Variants in JAM3 observed in about 807,000 individuals in gnomAD.
JAM3 encodes junctional adhesion molecule 3.
In JAM3, 31 loss-of-function variants were observed where a neutral mutation model predicts 39.4. The ratio of observed to expected loss-of-function variants is 0.79; its 90% CI spans 0.59 to 1.06. The LOEUF is 1.06. JAM3 is among the 50% of genes least tolerant of loss of function. The pLI, the probability that JAM3 is intolerant of heterozygous loss-of-function variation, is 0.00. For missense variants in JAM3, 455 were observed against 391.4 expected, an observed-to-expected ratio of 1.16 and a Z score of -1.37; for synonymous variants, 182 against 148.7, an observed-to-expected ratio of 1.22 and a Z score of -1.63.
At chr11:134,144,620 G>C (rs1479039788) in intron 4 of JAM3, among the ~76,000 whole-genome samples, 172 bp from the exon 5 acceptor site, 3 of 152,180 alleles carry the variant, frequency 2.0e-5, no homozygotes, top group African/African-American at 7.2e-5. Context: ...TAACATATGG[G>C]AGGGCAGGAT....
chr11:134,145,483 A>G (rs556193362), intron 5 of JAM3: 71 of 324,142 alleles, frequency 2.2e-4, no homozygotes, highest in Non-Finnish European at 3.6e-4. Flanking sequence ...GGAGGAGAGG[A>G]AACAGATTGG....
intron 1 of JAM3, among the ~76,000 whole-genome samples, chr11:134,116,663 T>C: frequency 6.6e-6 from 1 of 152,032 alleles, no homozygotes; most frequent in Non-Finnish European, 1.5e-5. Flanking sequence ...CTGATTCTTT[T>C]TACTAGAGAA....
At chr11:134,072,726 A>G (rs1234946039) in intron 1 of JAM3, among the ~76,000 whole-genome samples, 3 of 152,248 alleles carry the variant, frequency 2.0e-5, no homozygotes, top group Non-Finnish European at 4.4e-5. Flanking sequence ...CTTGGCCAAC[A>G]TGATGAAGCC....
chr11:134,101,411 A>G (rs1942070972), intron 1 of JAM3, among the ~76,000 whole-genome samples: 1 of 152,248 alleles, frequency 6.6e-6, no homozygotes, highest in Admixed American at 6.5e-5. Flanking sequence ...AAAGAGTGGT[A>G]GCAAAGAAGT....
chr11:134,111,489 A>C (rs887801639), intron 1 of JAM3, among the ~76,000 whole-genome samples: 1 of 152,150 alleles, frequency 6.6e-6, no homozygotes, highest in Non-Finnish European at 1.5e-5. Flanking sequence ...GGGAAAAGAA[A>C]AGAGTCAGTA....
At chr11:134,141,401 A>G (rs1942970054) in intron 3 of JAM3, among the ~76,000 whole-genome samples, 1 of 151,916 alleles carries the variant, frequency 6.6e-6, no homozygotes, top group Admixed American at 6.6e-5. Flanking sequence ...GGCTGATGGG[A>G]AAGACTGGAA....
chr11:134,101,652 A>G (rs978344640), intron 1 of JAM3, among the ~76,000 whole-genome samples: 2 of 152,222 alleles, frequency 1.3e-5, no homozygotes, highest in East Asian at 3.9e-4. Context: ...ATAATACTCT[A>G]CTACCACAAG....
intron 1 of JAM3, among the ~76,000 whole-genome samples, chr11:134,114,369 G>A (rs563607936): frequency 9.2e-5 from 14 of 152,074 alleles, no homozygotes; most frequent in Non-Finnish European, 1.9e-4. Flanking sequence ...TATAAGGTGT[G>A]AGGAACGGAT....
chr11:134,103,387 A>G (rs1267720337), intron 1 of JAM3, among the ~76,000 whole-genome samples: 1 of 152,154 alleles, frequency 6.6e-6, no homozygotes, highest in African/African-American at 2.4e-5. Flanking sequence ...AGGAACAACC[A>G]GTACCAGCCA....
chr11:134,081,067 A>C (rs1379092062), intron 1 of JAM3, among the ~76,000 whole-genome samples: 1 of 152,164 alleles, frequency 6.6e-6, no homozygotes, highest in Non-Finnish European at 1.5e-5. Context: ...TGAACTTGAG[A>C]GAGGTGATTT....
At chr11:134,137,959 G>A (rs1391777460) in intron 1 of JAM3, among the ~76,000 whole-genome samples, 4 of 114,164 alleles carry the variant, frequency 3.5e-5, no homozygotes, top group African/African-American at 1.5e-4. Flanking sequence ...GTGGCGTCTC[G>A]TCGAAGTCGT....
intron 5 of JAM3, chr11:134,145,350 A>T: frequency 2.5e-6 from 1 of 394,720 alleles, no homozygotes; most frequent in Non-Finnish European, 4.8e-6. Flanking sequence ...TCATTGCTTT[A>T]GGCATGATGA....
intron 1 of JAM3, chr11:134,126,485 G>T (rs968184747): frequency 9.2e-5 from 14 of 152,296 alleles, no homozygotes; most frequent in South Asian, 2.1e-4. Context: ...ACTGGTAAGT[G>T]CCTGTGCTGT....
intron 1 of JAM3, among the ~76,000 whole-genome samples, chr11:134,129,104 C>G (rs540414481): frequency 4.6e-5 from 7 of 150,786 alleles, no homozygotes; most frequent in Admixed American, 3.3e-4. Context: ...AGGCACATCC[C>G]TGGTATCTCT....
In JAM3 at chr11:134,144,775, C is replaced by G. The variant is rs1943040488; in HGVS notation, c.410-17C>G. On this transcript the variant is annotated splice_polypyrimidine_tract_variant and intron_variant, in intron 4 of 8. Coordinates refer to ENST00000299106, the MANE Select transcript of JAM3 (RefSeq NM_032801.5). ...CCTGTCACTGAGATCTTAAACACCA[C>G]CCCTTTTTCCCCACAGTGAAGCCAG... 6.4e-7 allele frequency: 1 copy of G among 1,569,154 alleles called. No individual in the cohort carries two copies. Among genetic ancestry groups the G allele is most frequent in the Non-Finnish European group, 8.6e-7 (1 of 1,167,072 alleles).
chr11:134,120,382 A>G (rs190664263), intron 1 of JAM3, among the ~76,000 whole-genome samples: 1 of 152,370 alleles, frequency 6.6e-6, no homozygotes, highest in Non-Finnish European at 1.5e-5. Flanking sequence ...AGAGCCAGAC[A>G]TGCATAAACT....
Position 134,149,127 on chromosome 11 carries a change from CTG to C in JAM3, c.898-13_898-12del, listed in dbSNP as rs781120493. On this transcript the variant is annotated splice_polypyrimidine_tract_variant and intron_variant, in intron 8 of 8. Coordinates refer to ENST00000299106, the MANE Select transcript of JAM3 (RefSeq NM_032801.5). ...CCACCAGGCCCCTTGATGGCTCTAA[CTG>C]TGTGTTGGCTTTGCAGGGCGACTTC... 4 of 1,608,746 alleles carry C rather than the reference CTG, an allele frequency of 2.5e-6. No individual in the cohort carries two copies. The highest frequency in any genetic ancestry group is 1.4e-5 in the African/African-American group (1 of 73,520).
intron 2 of JAM3, 77 bp downstream of exon 2, chr11:134,139,993 C>A: frequency 8.8e-7 from 1 of 1,131,568 alleles, no homozygotes; most frequent in East Asian, 2.4e-5. Flanking sequence ...ACTCAGGACA[C>A]ATCTGTCTCT....
chr11:134,128,258 C>T (rs1202898120), intron 1 of JAM3, among the ~76,000 whole-genome samples: 1 of 152,186 alleles, frequency 6.6e-6, no homozygotes, highest in African/African-American at 2.4e-5. Flanking sequence ...TTTCTGCTCA[C>T]CTGCAGAGAC....
Sources: allele counts gnomAD v4.1 joint callset (sites outside exome capture counted in the v4.1 genomes callset), GRCh38; gene constraint gnomAD v4.1.1; transcripts MANE v1.5; gene names NCBI Gene and HGNC (gene_info 2026-07-23, HGNC 2026-07-21).